The following DNAJC1 variants were observed in gnomAD, a reference collection of about 807,000 sequenced individuals.
DNAJC1 encodes the protein DnaJ heat shock protein family (Hsp40) member C1.
Under a neutral mutation model 76.6 loss-of-function variants are expected in DNAJC1, and 58 were observed. The observed-to-expected ratio is 0.76, with a 90% confidence interval of 0.61 to 0.94. The LOEUF is 0.94. Among genes scored for constraint, DNAJC1 ranks in the 40% least tolerant of loss-of-function variants. The pLI is 0.00. For synonymous variants in DNAJC1, 258 were observed against 267.9 expected, an observed-to-expected ratio of 0.96 and a Z score of 0.36; for missense variants, 689 against 677.3, an observed-to-expected ratio of 1.02 and a Z score of -0.19.
intron 8 of DNAJC1, among the ~76,000 whole-genome samples, chr10:21,828,590 A>G (rs1366984719): frequency 6.6e-6 from 1 of 152,222 alleles, no homozygotes; most frequent in Non-Finnish European, 1.5e-5. Flanking sequence ...AAGTAGAACC[A>G]ATAACATAAT....
At chr10:21,907,069 C>T (rs1193463236) in intron 6 of DNAJC1, among the ~76,000 whole-genome samples, 1 of 152,096 alleles carries the variant, frequency 6.6e-6, no homozygotes, top group Non-Finnish European at 1.5e-5. Context: ...GTAGTCCTGC[C>T]AAATTTGAAC....
chr10:21,939,569 T>G (rs1220264005), intron 1 of DNAJC1, among the ~76,000 whole-genome samples: 1 of 152,190 alleles, frequency 6.6e-6, no homozygotes, highest in Non-Finnish European at 1.5e-5. Context: ...TAAATACCAT[T>G]GTGTTACAAT....
At chr10:21,926,220 AG>A (rs1837126275) in intron 3 of DNAJC1, among the ~76,000 whole-genome samples, 1 of 150,314 alleles carries the variant, frequency 6.7e-6, no homozygotes, top group Non-Finnish European at 1.5e-5. Flanking sequence ...CCAAAGTGCT[AG>A]GATTACAGAT....
intron 1 of DNAJC1, among the ~76,000 whole-genome samples, chr10:21,935,249 G>C (rs887778809): frequency 1.3e-5 from 2 of 151,924 alleles, no homozygotes; most frequent in Admixed American, 1.3e-4. Context: ...GAAAATATGA[G>C]AATAATGTCT....
At chr10:21,893,616 G>A (rs1045493962) in intron 7 of DNAJC1, among the ~76,000 whole-genome samples, 11 of 151,802 alleles carry the variant, frequency 7.2e-5, no homozygotes, top group African/African-American at 2.7e-4. Flanking sequence ...CACAGAGTGA[G>A]ACTCAGTTAA....
At chr10:21,998,317 G>C (rs571528955) in intron 1 of DNAJC1, among the ~76,000 whole-genome samples, 2 of 147,816 alleles carry the variant, frequency 1.4e-5, no homozygotes, top group South Asian at 4.3e-4. Context: ...GTGAACCCAG[G>C]AGGCAGAGGT....
chr10:21,923,042 T>C (rs1837063266), intron 3 of DNAJC1, among the ~76,000 whole-genome samples: 1 of 151,952 alleles, frequency 6.6e-6, no homozygotes, highest in Admixed American at 6.6e-5. Context: ...GTGCTATGTG[T>C]CTGTTAATAG....
chr10:21,828,930 A>C (rs909961923), intron 8 of DNAJC1, among the ~76,000 whole-genome samples: 7 of 152,200 alleles, frequency 4.6e-5, no homozygotes, highest in African/African-American at 1.7e-4. Flanking sequence ...TGCTCCTTGA[A>C]AGTGTGGTAA....
rs539444890 is a variant in DNAJC1 at position 21,784,054 on chromosome 10, G to A, written c.1099-17745C>T. ...AACAAAAGCCAAAATTGACAAATGG[G>A]ATCTAAATAAGCTAAACAGCTTCTG... On this transcript the variant is annotated intron_variant, in intron 9 of 11. Coordinates refer to ENST00000376980, the MANE Select transcript of DNAJC1 (RefSeq NM_022365.4). Among the ~76,000 whole-genome samples the A allele has an allele frequency of 2.3e-3, 343 of 152,278 alleles. 3 individuals carry two copies. Among genetic ancestry groups the A allele is most frequent in the African/African-American group, 7.9e-3 (327 of 41,564 alleles).
chr10:21,870,070 A>T (rs1836077228), intron 8 of DNAJC1, among the ~76,000 whole-genome samples: 1 of 152,090 alleles, frequency 6.6e-6, no homozygotes, highest in South Asian at 2.1e-4. Flanking sequence ...ATAGCAAATC[A>T]AATCAAATAA....
At chr10:21,870,017 G>C (rs1306763101) in intron 8 of DNAJC1, among the ~76,000 whole-genome samples, 1 of 151,912 alleles carries the variant, frequency 6.6e-6, no homozygotes, top group Non-Finnish European at 1.5e-5. Context: ...GAAAATCACA[G>C]GTGAATCTCT....
chr10:21,910,369 C>T (rs887524788), intron 6 of DNAJC1, among the ~76,000 whole-genome samples: 1 of 152,124 alleles, frequency 6.6e-6, no homozygotes, highest in African/African-American at 2.4e-5. Flanking sequence ...CCCACCTTGG[C>T]CTCCCAAAGT....
intron 9 of DNAJC1, among the ~76,000 whole-genome samples, chr10:21,799,967 T>A (rs1318348332): frequency 1.3e-5 from 2 of 152,174 alleles, no homozygotes; most frequent in African/African-American, 2.4e-5. Context: ...TTTGGAGACA[T>A]CTTATCCATA....
At chr10:21,894,529 C>A (rs1037786225) in intron 7 of DNAJC1, among the ~76,000 whole-genome samples, 5 of 151,330 alleles carry the variant, frequency 3.3e-5, no homozygotes, top group African/African-American at 9.7e-5. Context: ...CAAGATTGCA[C>A]GATTGCACTC....
chr10:21,901,244 A>G (rs376223037), intron 7 of DNAJC1, among the ~76,000 whole-genome samples: 10 of 152,338 alleles, frequency 6.6e-5, no homozygotes, highest in African/African-American at 2.4e-4. Context: ...GTACAAAGAA[A>G]GGGGTCAAGG....
intron 8 of DNAJC1, among the ~76,000 whole-genome samples, chr10:21,831,703 T>C (rs1228727805): frequency 6.9e-6 from 1 of 145,614 alleles, no homozygotes; most frequent in Non-Finnish European, 1.5e-5. Context: ...GGCAGGAGAA[T>C]GGCGTGAACC....
At chr10:21,945,571 G>C (rs1287697062) in intron 1 of DNAJC1, among the ~76,000 whole-genome samples, 1 of 152,062 alleles carries the variant, frequency 6.6e-6, no homozygotes, top group Non-Finnish European at 1.5e-5. Flanking sequence ...ACCATTAGCA[G>C]GAAAAAGGAG....
intron 8 of DNAJC1, among the ~76,000 whole-genome samples, chr10:21,848,365 T>C (rs1012128486): frequency 1.3e-5 from 2 of 152,202 alleles, no homozygotes; most frequent in African/African-American, 4.8e-5. Flanking sequence ...GTCAGATGAA[T>C]AGTTTGCAAA....
chr10:21,870,447 G>A (rs1322601490), intron 8 of DNAJC1, among the ~76,000 whole-genome samples: 1 of 151,954 alleles, frequency 6.6e-6, no homozygotes, highest in African/African-American at 2.4e-5. Flanking sequence ...TTAACAAAAG[G>A]CTTGCAGCAT....
Sources: allele counts gnomAD v4.1 joint callset (sites outside exome capture counted in the v4.1 genomes callset), GRCh38; gene constraint gnomAD v4.1.1; transcripts MANE v1.5; gene names NCBI Gene and HGNC (gene_info 2026-07-23, HGNC 2026-07-21).